CCDC192: variants seen among roughly 807,000 people sequenced by gnomAD.
CCDC192 encodes the protein coiled-coil domain containing 192.
chr5:127,736,652 T>A (rs1178252093), intron 2 of CCDC192, among the ~76,000 whole-genome samples: 2 of 151,856 alleles, frequency 1.3e-5, no homozygotes, highest in African/African-American at 2.4e-5. Flanking sequence ...CCTGGTTTAG[T>A]CTTGGGAGAG....
chr5:127,753,551 C>G (rs147800671), intron 2 of CCDC192, among the ~76,000 whole-genome samples: 404 of 152,140 alleles, frequency 2.7e-3, no homozygotes, highest in African/African-American at 9.0e-3. Flanking sequence ...TAAAAATTAT[C>G]CAGGCATGGT....
rs1753815398 is a variant in CCDC192, at chr5:127,924,577, C to G, written c.536-16605C>G. Among the ~76,000 whole-genome samples, 2 of 152,272 alleles carry G rather than the reference C, an allele frequency of 1.3e-5. 1 individual carries two copies. Among genetic ancestry groups the G allele is most frequent in the Middle Eastern group, 6.8e-3 (2 of 294 alleles). ...CAATTGAGAAGTGATTAGCATATGACCCCCAAGGGTATGTTGTGACCCCAG... is the reference window on the plus strand; with the variant it reads ...CAATTGAGAAGTGATTAGCATATGAGCCCCAAGGGTATGTTGTGACCCCAG... On this transcript the variant is annotated intron_variant, in intron 6 of 6. Transcript: ENST00000514853.
intron 3 of CCDC192, among the ~76,000 whole-genome samples, chr5:127,766,480 T>A (rs897227060): frequency 1.3e-5 from 2 of 152,004 alleles, no homozygotes; most frequent in Admixed American, 6.6e-5. Flanking sequence ...GTTCTAACCA[T>A]TTCTAGATTT....
chr5:127,752,902 T>C (rs969149318), intron 2 of CCDC192, among the ~76,000 whole-genome samples: 3 of 152,140 alleles, frequency 2.0e-5, no homozygotes, highest in African/African-American at 7.2e-5. Context: ...ACCCCTTTCT[T>C]TGACTAGGAA....
At chr5:127,738,186 A>T (rs1753145802) in intron 2 of CCDC192, among the ~76,000 whole-genome samples, 2 of 151,130 alleles carry the variant, frequency 1.3e-5, no homozygotes, top group Non-Finnish European at 2.9e-5. Context: ...TCCTTCACTT[A>T]TGAAGCTTAG....
intron 5 of CCDC192, among the ~76,000 whole-genome samples, chr5:127,843,912 A>T (rs1750414652): frequency 6.6e-6 from 1 of 152,222 alleles, no homozygotes; most frequent in African/African-American, 2.4e-5. Context: ...CAAATGTAAA[A>T]CCATATTCTA....
intron 6 of CCDC192, among the ~76,000 whole-genome samples, chr5:127,904,247 C>T (rs1255075194): frequency 6.6e-6 from 1 of 152,192 alleles, no homozygotes; most frequent in East Asian, 1.9e-4. Context: ...AAAAAGAAGA[C>T]AGCCTTACTG....
intron 5 of CCDC192, among the ~76,000 whole-genome samples, chr5:127,852,425 G>A (rs1169790159): frequency 1.3e-5 from 2 of 152,158 alleles, no homozygotes; most frequent in Non-Finnish European, 2.9e-5. Context: ...CTCACATGGG[G>A]GAAGTATTGG....
At chr5:127,937,605 T>C (rs1754221821) in intron 6 of CCDC192, among the ~76,000 whole-genome samples, 2 of 152,204 alleles carry the variant, frequency 1.3e-5, no homozygotes, top group South Asian at 4.1e-4. Flanking sequence ...AAGTTTCTTG[T>C]TTAAGCCACC....
At chr5:127,787,583 A>G (rs943918797) in intron 3 of CCDC192, among the ~76,000 whole-genome samples, 1 of 152,076 alleles carries the variant, frequency 6.6e-6, no homozygotes, top group Non-Finnish European at 1.5e-5. Context: ...TATTGTTGTG[A>G]GAGAAGATAC....
At chr5:127,782,738 T>C (rs1756307975) in intron 3 of CCDC192, among the ~76,000 whole-genome samples, 2 of 152,164 alleles carry the variant, frequency 1.3e-5, no homozygotes, top group Admixed American at 6.5e-5. Flanking sequence ...GTATCAATTT[T>C]ATTTATCTTT....
intron 2 of CCDC192, 48 bp downstream of exon 2, chr5:127,707,808 A>C (rs1026436262): frequency 5.8e-5 from 23 of 397,492 alleles, no homozygotes; most frequent in African/African-American, 4.5e-4. Flanking sequence ...AAATCATTAC[A>C]GGTAATGAAA....
chr5:127,831,469 G>A (rs1371960953), intron 5 of CCDC192, among the ~76,000 whole-genome samples: 1 of 151,974 alleles, frequency 6.6e-6, no homozygotes, highest in Non-Finnish European at 1.5e-5. Context: ...TTTATAGTCT[G>A]AGCTTTCTCA....
At chr5:127,756,933 C>T (rs1754632543) in intron 3 of CCDC192, among the ~76,000 whole-genome samples, 1 of 152,188 alleles carries the variant, frequency 6.6e-6, no homozygotes, top group Admixed American at 6.5e-5. Flanking sequence ...TCACAAATAG[C>T]TCCTAATATT....
chr5:127,800,322 T>A (rs1313667380), intron 5 of CCDC192, among the ~76,000 whole-genome samples: 1 of 135,986 alleles, frequency 7.4e-6, no homozygotes, highest in Admixed American at 8.3e-5. Flanking sequence ...AATGAGCACT[T>A]CTTAGAACAT....
intron 5 of CCDC192, among the ~76,000 whole-genome samples, chr5:127,813,227 A>G (rs1758180565): frequency 6.6e-6 from 1 of 151,944 alleles, no homozygotes. Flanking sequence ...CTATTTCATT[A>G]TGTTGTTCTT....
chr5:127,862,918 T>C (rs1026734541), intron 5 of CCDC192, among the ~76,000 whole-genome samples: 1 of 118,684 alleles, frequency 8.4e-6, no homozygotes, highest in Non-Finnish European at 1.7e-5. Context: ...GCATAGACTG[T>C]TCCTTTATTT....
chr5:127,766,176 C>T (rs1202651712), intron 3 of CCDC192, among the ~76,000 whole-genome samples: 4 of 152,128 alleles, frequency 2.6e-5, no homozygotes, highest in African/African-American at 4.8e-5. Context: ...AGGCTTCTCT[C>T]TGGTTTTGCC....
chr5:127,838,106 A>C (rs1166811189), intron 5 of CCDC192, among the ~76,000 whole-genome samples: 2 of 152,194 alleles, frequency 1.3e-5, no homozygotes. Context: ...TCAACCCCGC[A>C]TGGGTAAGCA....
Sources: gnomAD v4.1 joint callset for allele counts (sites outside exome capture counted in the v4.1 genomes callset) on GRCh38, gnomAD v4.1.1 for gene constraint, MANE v1.5 for transcripts, NCBI Gene and HGNC (gene_info 2026-07-23, HGNC 2026-07-21) for gene names.